MAP2K2: variants seen among roughly 807,000 people sequenced by gnomAD.
MAP2K2 encodes mitogen-activated protein kinase kinase 2.
A neutral mutation model predicts 43.7 loss-of-function variants in MAP2K2; 24 were observed. The observed-to-expected ratio is 0.55, with a 90% confidence interval of 0.40 to 0.77. The LOEUF (loss-of-function observed/expected upper bound fraction) is 0.77. MAP2K2 is among the 30% of genes least tolerant of loss of function. The pLI is 0.00. For missense variants in MAP2K2, 470 were observed against 566.8 expected (o/e 0.83, Z 1.73); for synonymous variants, 244 against 239.7 (o/e 1.02, Z -0.17).
intron 2 of MAP2K2, among the ~76,000 whole-genome samples, chr19:4,111,968 AAAAAC>A (rs1316705013): frequency 1.3e-5 from 2 of 148,842 alleles, no homozygotes; most frequent in Non-Finnish European, 2.9e-5. Context: ...AAACCCCCAA[AAAAAC>A]AAAACAACAA....
chr19:4,102,691 C>A, intron 3 of MAP2K2: 1 of 1,152,944 alleles, frequency 8.7e-7, no homozygotes, highest in Non-Finnish European at 1.2e-6. Context: ...CCTCCCGTCC[C>A]ATCCTCGAAT....
At chr19:4,121,379 C>A (rs981586298) in intron 1 of MAP2K2, among the ~76,000 whole-genome samples, 1 of 151,702 alleles carries the variant, frequency 6.6e-6, no homozygotes, top group African/African-American at 2.4e-5. Flanking sequence ...GTTCCTCACA[C>A]TCTGGCTTCC....
At chr19:4,093,751 G>A (rs1321601899) in intron 10 of MAP2K2, among the ~76,000 whole-genome samples, 1 of 152,226 alleles carries the variant, frequency 6.6e-6, no homozygotes, top group African/African-American at 2.4e-5. Flanking sequence ...CCGGTTGGGT[G>A]TCTGTAGCTG....
intron 2 of MAP2K2, among the ~76,000 whole-genome samples, chr19:4,111,783 G>A (rs55670209): frequency 0.098 from 14,898 of 152,072 alleles, 850 homozygotes; most frequent in African/African-American, 0.15. Flanking sequence ...GTGAAACCCC[G>A]TCTCTACTAA....
At chr19:4,102,773 CG>C in intron 3 of MAP2K2, 3 of 1,270,220 alleles carry the variant, frequency 2.4e-6, no homozygotes, top group Non-Finnish European at 2.0e-6. Context: ...AAGCCGCGGC[CG>C]GGGGCTCAGG....
intron 2 of MAP2K2, 26 bp downstream of exon 2, chr19:4,117,393 G>A (rs767217433): frequency 5.1e-5 from 68 of 1,344,752 alleles, no homozygotes; most frequent in Middle Eastern, 2.7e-4. Context: ...ACCACTCCCC[G>A]ACCTCCCCGA....
chr19:4,090,858 G>T (rs771590643), intron 10 of MAP2K2, 150 bp from the exon 11 acceptor site: 2 of 705,602 alleles, frequency 2.8e-6, no homozygotes, highest in Non-Finnish European at 5.2e-6. Context: ...CGCACTCGGG[G>T]TAGGAGAGGG....
At chr19:4,107,226 T>A (rs1214396561) in intron 3 of MAP2K2, among the ~76,000 whole-genome samples, 2 of 151,192 alleles carry the variant, frequency 1.3e-5, no homozygotes, top group African/African-American at 4.9e-5. Context: ...TGCCATCCCA[T>A]ATCTACAAAA....
Position 4,117,618 on chromosome 19 carries a change from A to G in MAP2K2, c.104T>C (p.Val35Ala). 2 of 1,613,862 alleles carry G rather than the reference A, an allele frequency of 1.2e-6. No individual in the cohort carries two copies. Among genetic ancestry groups the G allele is most frequent in the South Asian group, 2.2e-5 (2 of 91,078 alleles). Residue 35 changes from valine to alanine, a missense_variant, in exon 2 of 11, where the codon GTG becomes GCG. Physicochemically the swap from Val to Ala is moderately conservative, Grantham distance 64 (BLOSUM62 0). This residue lies in a region of MAP2K2 where 58 missense variants were observed against 48.0 expected (regional missense o/e 1.21). Coordinates refer to ENST00000262948, the MANE Select transcript of MAP2K2 (RefSeq NM_030662.4). The part of the protein sequence containing the change: ...TSEGASEANL[V>A]DLQKKLEELE... ...CTCCTCCAGCTTCTTCTGCAGGTCC[A>G]CCAGGTTTGCCCTGCAGAGACCCCC... is the stretch of plus-strand genomic sequence containing the variant.
At chr19:4,096,595 C>G (rs769701722) in intron 8 of MAP2K2, among the ~76,000 whole-genome samples, 1 of 152,206 alleles carries the variant, frequency 6.6e-6, no homozygotes, top group African/African-American at 2.4e-5. Context: ...TGGGGACTGA[C>G]GGAGCAGGAG....
chr19:4,097,053 G>A (rs2040928354), intron 8 of MAP2K2, among the ~76,000 whole-genome samples: 1 of 150,388 alleles, frequency 6.6e-6, no homozygotes, highest in Admixed American at 6.6e-5. Flanking sequence ...AATTAGCTGG[G>A]TGTGGTGGTG....
chr19:4,092,866 G>A (rs1291287809), intron 10 of MAP2K2, among the ~76,000 whole-genome samples: 1 of 152,088 alleles, frequency 6.6e-6, no homozygotes, highest in Non-Finnish European at 1.5e-5. Flanking sequence ...GAGCCCAGGA[G>A]TTTGAGACCA....
intron 3 of MAP2K2, among the ~76,000 whole-genome samples, chr19:4,109,551 A>G (rs1017636806): frequency 1.3e-5 from 2 of 152,004 alleles, no homozygotes; most frequent in African/African-American, 2.4e-5. Flanking sequence ...TGATCTTCCC[A>G]CCTCAGCCTC....
At chr19:4,117,905 C>G (rs2041246173) in intron 1 of MAP2K2, among the ~76,000 whole-genome samples, 1 of 152,130 alleles carries the variant, frequency 6.6e-6, no homozygotes, top group Non-Finnish European at 1.5e-5. Context: ...AGCTGCAGCT[C>G]AAAGGACCCA....
intron 1 of MAP2K2, among the ~76,000 whole-genome samples, chr19:4,122,545 G>GC (rs1368502304): frequency 1.6e-5 from 2 of 127,444 alleles, no homozygotes; most frequent in Non-Finnish European, 3.3e-5. Flanking sequence ...TCCCCCACAG[G>GC]CCCCCACCGA....
At position 4,110,667 on chromosome 19, in the gene MAP2K2, G is replaced by A. The variant is rs762533666; in HGVS notation, c.304-12C>T. 6.2e-7 allele frequency: 1 copy of A among 1,610,592 alleles called. No individual in the cohort carries two copies. The highest frequency in any genetic ancestry group is 8.5e-7 in the Non-Finnish European group (1 of 1,179,058). ...TCAAGGTGGATCAGCTGCAAGGGGA[G>A]AGGGGCGAGACTGGCTTGGGGGGTG... is the stretch of plus-strand genomic sequence containing the variant. On this transcript the variant is annotated splice_polypyrimidine_tract_variant and intron_variant, in intron 2 of 10. Coordinates refer to ENST00000262948, the MANE Select transcript of MAP2K2 (RefSeq NM_030662.4).
intron 6 of MAP2K2, chr19:4,100,630 A>G: frequency 3.8e-6 from 1 of 263,996 alleles, no homozygotes; most frequent in Non-Finnish European, 7.5e-6. Context: ...AGCCTGGGCA[A>G]TACAGCGAGA....
At chr19:4,095,098 CCAGA>C (rs1313348223) in intron 9 of MAP2K2, 2 of 413,012 alleles carry the variant, frequency 4.8e-6, no homozygotes, top group Non-Finnish European at 8.9e-6. Flanking sequence ...GGTCCGGGGA[CCAGA>C]CAGAGGCTTC....
At chr19:4,123,433 C>T (rs940825122) in intron 1 of MAP2K2, among the ~76,000 whole-genome samples, 2 of 152,010 alleles carry the variant, frequency 1.3e-5, no homozygotes, top group African/African-American at 4.8e-5. Flanking sequence ...TCCCGTTATC[C>T]CAATTCCACT....
Sources: gnomAD v4.1 joint callset for allele counts (sites outside exome capture counted in the v4.1 genomes callset) on GRCh38, gnomAD v4.1.1 for gene constraint, gnomAD v4.1.1 regional missense constraint, MANE v1.5 for transcripts, NCBI Gene and HGNC (gene_info 2026-07-23, HGNC 2026-07-21) for gene names.